TMEM132D: variants seen among roughly 807,000 people sequenced by gnomAD.
TMEM132D encodes mature OL transmembrane protein.
TMEM132D carries 21 observed loss-of-function variants against 62.3 expected under a neutral mutation model. The observed-to-expected ratio is 0.34, with a 90% confidence interval of 0.24 to 0.49. TMEM132D has a LOEUF of 0.49. TMEM132D is among the 20% of genes least tolerant of loss of function. The pLI is 0.99. For synonymous variants in TMEM132D, 621 were observed against 575.6 expected (o/e 1.08, Z -1.13); for missense variants, 1,346 against 1,402.8 (o/e 0.96, Z 0.65).
At chr12:129,386,639 G>A (rs868105987) in intron 3 of TMEM132D, among the ~76,000 whole-genome samples, 1,394 of 74,254 alleles carry the variant, frequency 0.019, no homozygotes, top group Middle Eastern at 0.098. Context: ...AGTATCACTA[G>A]TCATAATACA....
intron 5 of TMEM132D, among the ~76,000 whole-genome samples, chr12:129,179,138 C>G (rs555986958): frequency 6.6e-6 from 1 of 152,194 alleles, no homozygotes; most frequent in East Asian, 1.9e-4. Context: ...CATCAGCGTA[C>G]AGAAACGGGA....
chr12:129,550,942 G>C (rs987745024), intron 2 of TMEM132D, among the ~76,000 whole-genome samples: 2 of 152,204 alleles, frequency 1.3e-5, no homozygotes, highest in East Asian at 3.9e-4. Context: ...AGGAAGATCA[G>C]CCTCCACCAT....
chr12:129,077,483 C>T (rs1186890078), intron 8 of TMEM132D, among the ~76,000 whole-genome samples: 1 of 152,004 alleles, frequency 6.6e-6, no homozygotes, highest in Non-Finnish European at 1.5e-5. Flanking sequence ...GAACTTACTA[C>T]ATTCAAAGGT....
At chr12:129,459,940 A>C (rs902924099) in intron 3 of TMEM132D, among the ~76,000 whole-genome samples, 2 of 152,206 alleles carry the variant, frequency 1.3e-5, no homozygotes, top group South Asian at 2.1e-4. Context: ...TGGGTGTCAA[A>C]ATTGCCAATT....
At position 129,624,924 on chromosome 12, in the gene TMEM132D, C is replaced by A. The variant is rs377201762; in HGVS notation, c.968+74886G>T. On this transcript the variant is annotated intron_variant, in intron 2 of 8. Coordinates refer to ENST00000422113, the MANE Select transcript of TMEM132D (RefSeq NM_133448.3). Reference sequence around the variant, plus strand: ...TCTGGAGGCACAAATGGGGAGTCCCCTCCAGATGCCTCTGGGAAGCTGCAG... The same window carrying A: ...TCTGGAGGCACAAATGGGGAGTCCCATCCAGATGCCTCTGGGAAGCTGCAG... Among the ~76,000 whole-genome samples the A allele has an allele frequency of 1.2e-4, 19 of 152,358 alleles. No homozygotes were observed. The East Asian group carries it at 3.1e-3, about 25-fold the overall frequency.
chr12:129,152,483 G>A (rs932992998), intron 5 of TMEM132D, among the ~76,000 whole-genome samples: 6 of 152,144 alleles, frequency 3.9e-5, no homozygotes, highest in South Asian at 2.1e-4. Flanking sequence ...AATGCTGCTC[G>A]AAAATCCCCC....
At chr12:129,177,351 G>T (rs182292139) in intron 5 of TMEM132D, among the ~76,000 whole-genome samples, 1 of 152,200 alleles carries the variant, frequency 6.6e-6, no homozygotes, top group Admixed American at 6.5e-5. Flanking sequence ...CAGAGGGCAG[G>T]GAGACAATAA....
chr12:129,758,030 G>T (rs1457111898), intron 1 of TMEM132D, among the ~76,000 whole-genome samples: 3 of 152,110 alleles, frequency 2.0e-5, no homozygotes, highest in African/African-American at 7.2e-5. Context: ...AGCCTCCCAA[G>T]TAGATGGGAT....
At chr12:129,757,847 C>A (rs931466028) in intron 1 of TMEM132D, among the ~76,000 whole-genome samples, 1 of 152,170 alleles carries the variant, frequency 6.6e-6, no homozygotes, top group Non-Finnish European at 1.5e-5. Flanking sequence ...ACCTTGCTGA[C>A]CTGCCCCTCA....
intron 3 of TMEM132D, among the ~76,000 whole-genome samples, chr12:129,372,774 G>C (rs764095303): frequency 6.6e-6 from 1 of 151,724 alleles, no homozygotes; most frequent in Non-Finnish European, 1.5e-5. Flanking sequence ...AACAAGCTCA[G>C]GGCTCCCACA....
chr12:129,881,882 AGACT>A (rs1337007997), intron 1 of TMEM132D, among the ~76,000 whole-genome samples: 1 of 152,014 alleles, frequency 6.6e-6, no homozygotes, highest in African/African-American at 2.4e-5. Flanking sequence ...ATCTCTAGCC[AGACT>A]GACTGAGAAA....
At chr12:129,617,282 A>T (rs2137156524) in intron 2 of TMEM132D, among the ~76,000 whole-genome samples, 1 of 152,300 alleles carries the variant, frequency 6.6e-6, no homozygotes, top group African/African-American at 2.4e-5. Flanking sequence ...GATCCTAAAA[A>T]CAGAAACCCT....
chr12:129,780,546 T>C (rs1355069705), intron 1 of TMEM132D, among the ~76,000 whole-genome samples: 1 of 152,112 alleles, frequency 6.6e-6, no homozygotes, highest in East Asian at 1.9e-4. Context: ...GAGGCATCTC[T>C]GTGGAGACCC....
chr12:129,697,373 A>G (rs1881233559), intron 2 of TMEM132D, among the ~76,000 whole-genome samples: 1 of 152,242 alleles, frequency 6.6e-6, no homozygotes, highest in Admixed American at 6.5e-5. Flanking sequence ...TTCTAATTAT[A>G]GGGATTCAAG....
rs1872613878 is a variant in TMEM132D, at chr12:129,824,551, C to A, written c.79+78710G>T. On this transcript the variant is annotated intron_variant, in intron 1 of 8. Coordinates refer to ENST00000422113, the MANE Select transcript of TMEM132D (RefSeq NM_133448.3). Reference sequence around the variant, plus strand: ...TAGATGAGGTCACAACGGTGGGGGCCCCCGGGATGGGACTAGTTCCCTTAT... The same window carrying A: ...TAGATGAGGTCACAACGGTGGGGGCACCCGGGATGGGACTAGTTCCCTTAT... 3.3e-5 allele frequency among the ~76,000 whole-genome samples: 5 copies of A among 152,130 alleles called. No homozygotes were observed. In the Middle Eastern group the frequency reaches 0.01, roughly 310 times the overall value.
At chr12:129,566,406 C>T (rs551498903) in intron 2 of TMEM132D, among the ~76,000 whole-genome samples, 2 of 151,742 alleles carry the variant, frequency 1.3e-5, no homozygotes, top group Non-Finnish European at 2.9e-5. Flanking sequence ...CTGAAGTTAA[C>T]CTGAAAAACT....
At chr12:129,772,377 T>G (rs2137283882) in intron 1 of TMEM132D, among the ~76,000 whole-genome samples, 1 of 152,302 alleles carries the variant, frequency 6.6e-6, no homozygotes, top group African/African-American at 2.4e-5. Flanking sequence ...TCATATATAG[T>G]AAGAAATTTA....
intron 1 of TMEM132D, among the ~76,000 whole-genome samples, chr12:129,714,661 T>C (rs945299032): frequency 3.3e-5 from 5 of 152,248 alleles, no homozygotes; most frequent in African/African-American, 1.2e-4. Flanking sequence ...TGTATATGCA[T>C]ACTAAAACAT....
At chr12:129,877,178 A>ATTAATATAC in intron 1 of TMEM132D, among the ~76,000 whole-genome samples, 1 of 148,920 alleles carries the variant, frequency 6.7e-6, no homozygotes, top group East Asian at 1.9e-4. Context: ...TATATTTATA[A>ATTAATATAC]TTATGTAATA....
Sources: allele counts gnomAD v4.1 joint callset (sites outside exome capture counted in the v4.1 genomes callset), GRCh38; gene constraint gnomAD v4.1.1; transcripts MANE v1.5; gene names NCBI Gene and HGNC (gene_info 2026-07-23, HGNC 2026-07-21).